ARHGAP23: variants seen among roughly 807,000 people sequenced by gnomAD.
The protein encoded by ARHGAP23 is rho GTPase-activating protein 23.
Under a neutral mutation model 136.3 loss-of-function variants are expected in ARHGAP23, and 34 were observed. The ratio of observed to expected loss-of-function variants is 0.25; its 90% CI spans 0.19 to 0.33. The LOEUF (loss-of-function observed/expected upper bound fraction) is 0.33. ARHGAP23 is among the 10% of genes least tolerant of loss of function. ARHGAP23 has a pLI of 1.00. For synonymous variants in ARHGAP23, 832 were observed against 920.5 expected, an observed-to-expected ratio of 0.90 and a Z score of 1.74; for missense variants, 1,808 against 2,139.0, an observed-to-expected ratio of 0.85 and a Z score of 3.05.
chr17:38,447,362 A>G (rs1431761369), intron 1 of ARHGAP23, among the ~76,000 whole-genome samples: 3 of 145,522 alleles, frequency 2.1e-5, no homozygotes, highest in Non-Finnish European at 4.5e-5. Context: ...GAATCACTTG[A>G]ACACAGGAGG....
At chr17:38,482,172 C>A in intron 15 of ARHGAP23, 29 bp downstream of exon 15, 1 of 1,544,398 alleles carries the variant, frequency 6.5e-7, no homozygotes, top group Non-Finnish European at 8.7e-7. Context: ...CCAGAGCAGG[C>A]CCAGCAGGGG....
chr17:38,480,565 C>T (rs1473827790), intron 14 of ARHGAP23, among the ~76,000 whole-genome samples: 6 of 151,592 alleles, frequency 4.0e-5, no homozygotes, highest in Non-Finnish European at 7.4e-5. Flanking sequence ...ACCTGGGAGG[C>T]GGAGCTTGCA....
At chr17:38,438,732 C>G (rs1183495651) in intron 1 of ARHGAP23, among the ~76,000 whole-genome samples, 4 of 152,050 alleles carry the variant, frequency 2.6e-5, no homozygotes, top group Admixed American at 6.5e-5. Flanking sequence ...ACCTGTAATC[C>G]CAGCACTTTG....
intron 21 of ARHGAP23, among the ~76,000 whole-genome samples, chr17:38,498,031 CA>C (rs1345104144): frequency 1.3e-5 from 2 of 152,050 alleles, no homozygotes; most frequent in Non-Finnish European, 2.9e-5. Flanking sequence ...CAGGAATCCC[CA>C]GTCGAAATGG....
chr17:38,423,738 G>A (rs544852684), upstream of ARHGAP23, among the ~76,000 whole-genome samples: 1 of 152,072 alleles, frequency 6.6e-6, no homozygotes, highest in South Asian at 2.1e-4. Flanking sequence ...CTGTGGTGGG[G>A]GTGTTGCCTG....
At chr17:38,433,633 A>C (rs151116767) in intron 1 of ARHGAP23, among the ~76,000 whole-genome samples, 1 of 152,142 alleles carries the variant, frequency 6.6e-6, no homozygotes, top group Non-Finnish European at 1.5e-5. Flanking sequence ...AAATTAGAGG[A>C]GCAGGTGAAT....
Position 38,482,664 on chromosome 17 carries a change from A to G in ARHGAP23, c.2893A>G (p.Asn965Asp), listed in dbSNP as rs1487492999. 6.5e-6 allele frequency: 10 copies of G among 1,548,182 alleles called. No homozygotes were observed. The highest frequency in any genetic ancestry group is 6.1e-6 in the Non-Finnish European group (7 of 1,146,086). The change falls in exon 16 of 24, where the codon AAC becomes GAC. Residue 965 changes from asparagine (N) to aspartate (D), a missense_variant. Asn to Asp is a conservative substitution (Grantham distance 23, BLOSUM62 1). Coordinates refer to ENST00000622683, the MANE Select transcript of ARHGAP23 (RefSeq NM_001199417.2). ...GCTCAACCGCGGGCCTGGTGACATC[A>G]ACCTGCAGGATGAGGTGGGTGAAGC... Reference protein sequence around the residue: ...EQLNRGPGDINLQDERWQDLN... With the variant: ...EQLNRGPGDIDLQDERWQDLN...
chr17:38,477,297 G>A lies in ARHGAP23; in HGVS notation c.2119-282G>A, dbSNP rs1054161909. ...TGCTGGGTGTCTGAGCATTGCCACC[G>A]CTCGGTGAGTGTTGATGCTGGTGTT... On this transcript the variant is annotated intron_variant, in intron 11 of 23. Coordinates refer to ENST00000622683, the MANE Select transcript of ARHGAP23 (RefSeq NM_001199417.2). The surrounding 1 kb of genome is among the most constrained non-coding windows in gnomAD (Gnocchi z 6.6). Among the ~76,000 whole-genome samples the A allele has an allele frequency of 6.6e-6, 1 of 151,760 alleles. No homozygotes were observed. Among genetic ancestry groups the A allele is most frequent in the African/African-American group, 2.4e-5 (1 of 41,256 alleles).
intron 6 of ARHGAP23, 97 bp from the exon 7 acceptor site, chr17:38,466,070 A>C (rs1410863066): frequency 5.7e-5 from 56 of 991,138 alleles, no homozygotes; most frequent in South Asian, 2.0e-4. Context: ...CTCTCCCTTC[A>C]TTTCCCTCCT....
chr17:38,486,721 G>A (rs2040168843), intron 17 of ARHGAP23, among the ~76,000 whole-genome samples: 1 of 152,178 alleles, frequency 6.6e-6, no homozygotes, highest in African/African-American at 2.4e-5. Flanking sequence ...CCATGAGGAA[G>A]GTGCTATTGT....
intron 16 of ARHGAP23, among the ~76,000 whole-genome samples, chr17:38,484,145 T>A (rs571113482): frequency 2.0e-5 from 3 of 152,170 alleles, no homozygotes; most frequent in African/African-American, 7.2e-5. Context: ...GAGAAGTCAC[T>A]GATCTATGGA....
intron 14 of ARHGAP23, among the ~76,000 whole-genome samples, chr17:38,480,332 A>G (rs1405317234): frequency 6.6e-6 from 1 of 151,520 alleles, no homozygotes; most frequent in African/African-American, 2.4e-5. Context: ...TGAAACCCCA[A>G]CTCTACTAAA....
At chr17:38,505,055 A>AGTGCAG (rs1301616852) in intron 23 of ARHGAP23, among the ~76,000 whole-genome samples, 1 of 114,870 alleles carries the variant, frequency 8.7e-6, no homozygotes, top group Non-Finnish European at 1.6e-5. Context: ...CCCAGGCTGG[A>AGTGCAG]GTGCAGTGGC....
In ARHGAP23 at chr17:38,477,647, G is replaced by C. The variant is rs2039926994; in HGVS notation, c.2187G>C (p.Leu729=). 1 of 1,275,640 alleles carries C rather than the reference G, an allele frequency of 7.8e-7. No homozygotes were observed. The highest frequency in any genetic ancestry group is 4.4e-5 in the Admixed American group (1 of 22,944). 79.0% of individuals were successfully genotyped at this position (1,275,640 alleles called of 1,614,324 possible). The change falls in exon 12 of 24, where the codon CTG becomes CTC. Residue 729 remains leucine (L), a synonymous_variant. Transcript: ENST00000622683. The surrounding 1 kb of genome is among the most constrained non-coding windows in gnomAD (Gnocchi z 6.6). ...YAALRARSLS[L]SKERREPGPA... ...CGCTGCGGGCGCGCTCGCTCTCGCT[G>C]AGCAAGGAGCGGCGGGAGCCCGGGC...
intron 1 of ARHGAP23, among the ~76,000 whole-genome samples, chr17:38,435,638 TG>T (rs2144504578): frequency 6.6e-6 from 1 of 152,330 alleles, no homozygotes; most frequent in South Asian, 2.1e-4. Context: ...AGTCTCGCTT[TG>T]TCACCCAGGC....
At chr17:38,494,559 G>GACAC (rs148184687) in intron 20 of ARHGAP23, among the ~76,000 whole-genome samples, 325 of 151,006 alleles carry the variant, frequency 2.2e-3, no homozygotes, top group Middle Eastern at 0.01. Flanking sequence ...GTGAGACCCT[G>GACAC]ACACACACAC....
chr17:38,509,321 C>G (rs1014961005), intron 23 of ARHGAP23, among the ~76,000 whole-genome samples: 1 of 151,922 alleles, frequency 6.6e-6, no homozygotes, highest in Admixed American at 6.6e-5. Context: ...CAGCCACTTG[C>G]AGGGGCGGAG....
At chr17:38,508,224 G>A (rs1319437864) in intron 23 of ARHGAP23, among the ~76,000 whole-genome samples, 1 of 152,204 alleles carries the variant, frequency 6.6e-6, no homozygotes, top group Non-Finnish European at 1.5e-5. Flanking sequence ...CAAAGGGAGG[G>A]CTGGGAAGTG....
intron 1 of ARHGAP23, among the ~76,000 whole-genome samples, chr17:38,423,065 C>T (rs187943308): frequency 5.3e-5 from 8 of 152,330 alleles, no homozygotes; most frequent in African/African-American, 1.7e-4. Context: ...TTGCTCAACA[C>T]TGTGCTTGCA....
Sources: gnomAD v4.1 joint callset for allele counts (sites outside exome capture counted in the v4.1 genomes callset) on GRCh38, gnomAD v4.1.1 for gene constraint, Gnocchi (gnomAD v3.1) non-coding constraint, MANE v1.5 for transcripts, NCBI Gene and HGNC (gene_info 2026-07-23, HGNC 2026-07-21) for gene names.